Variants in XK observed in about 807,000 individuals in gnomAD.
The protein encoded by XK is X-linked Kx blood group antigen, Kell and VPS13A binding protein.
XK carries 2 observed loss-of-function variants against 14.0 expected under a neutral mutation model. The ratio of observed to expected loss-of-function variants is 0.14; its 90% CI spans 0.06 to 0.45. XK has a LOEUF of 0.45. Among genes scored for constraint, XK ranks in the 20% least tolerant of loss-of-function variants. XK has a pLI of 0.98. For synonymous variants in XK, 149 were observed against 147.5 expected, an observed-to-expected ratio of 1.01 and a Z score of -0.08; for missense variants, 235 against 341.5, an observed-to-expected ratio of 0.69 and a Z score of 2.46.
chrX:37,704,026 G>T (rs1454217249), intron 2 of XK, among the ~76,000 whole-genome samples: 1 of 111,957 alleles, frequency 8.9e-6, no homozygotes, highest in Non-Finnish European at 1.9e-5. Context: ...CTCAGTTAAG[G>T]TGTTCTGGAA....
intron 2 of XK, among the ~76,000 whole-genome samples, chrX:37,706,639 T>C (rs1319532559): frequency 9.1e-6 from 1 of 109,671 alleles, no homozygotes; most frequent in African/African-American, 3.3e-5. Flanking sequence ...TTAATTTTAT[T>C]TTATTTTATT....
At chrX:37,696,600 A>C (rs1927311197) in intron 2 of XK, among the ~76,000 whole-genome samples, 1 of 112,732 alleles carries the variant, frequency 8.9e-6, no homozygotes, top group Admixed American at 9.4e-5. Flanking sequence ...TTATGAATGG[A>C]GCATGGTCTA....
At position 37,731,537 on chromosome X, in the gene XK, C is replaced by A. The variant is rs1288082169; in HGVS notation, c.*3075C>A. Reference sequence around the variant, plus strand: ...AATGCTTTGAAAATGTTTTTAAGTGCTATGCATATTTATAGAGTTATTATA... The same window carrying A: ...AATGCTTTGAAAATGTTTTTAAGTGATATGCATATTTATAGAGTTATTATA... On this transcript the variant is annotated 3_prime_UTR_variant, in exon 3 of 3. Coordinates refer to ENST00000378616, the MANE Select transcript of XK (RefSeq NM_021083.4). The A allele has an allele frequency of 8.9e-6, 1 of 112,203 alleles. No homozygotes were observed. The highest frequency in any genetic ancestry group is 1.9e-5 in the Non-Finnish European group (1 of 53,185). 9.2% of individuals were successfully genotyped at this position (112,203 alleles called of 1,213,427 possible).
Position 37,687,226 on chromosome X carries a change from C to CACAT in XK, c.245+1020_245+1021insACAT, listed in dbSNP as rs1491476026. Among the ~76,000 whole-genome samples the CACAT allele has an allele frequency of 6.1e-3, 653 of 106,446 alleles. 6 individuals are homozygous for CACAT. Among genetic ancestry groups the CACAT allele is most frequent in the African/African-American group, 0.021 (615 of 28,807 alleles). The allele number at this position is 106,446 out of a possible 115,157, so 92.4% of individuals were successfully genotyped here. ...ACACACACACACACACACACACACA[C>CACAT]GCACACACACACATTGAGGAGCAAG... On this transcript the variant is annotated intron_variant, in intron 1 of 2. Coordinates refer to ENST00000378616, the MANE Select transcript of XK (RefSeq NM_021083.4).
chrX:37,699,392 C>T (rs1556443203), intron 2 of XK, among the ~76,000 whole-genome samples: 1 of 112,242 alleles, frequency 8.9e-6, no homozygotes. Context: ...TTCTATTTAA[C>T]TCATGAGAGA....
intron 1 of XK, among the ~76,000 whole-genome samples, chrX:37,688,025 T>A (rs371755228): frequency 1.1e-5 from 1 of 94,691 alleles, no homozygotes; most frequent in African/African-American, 3.9e-5. Context: ...AGGGCACTTA[T>A]CATTTCTTTC....
At chrX:37,711,764 C>T (rs1419952369) in intron 2 of XK, among the ~76,000 whole-genome samples, 1 of 111,312 alleles carries the variant, frequency 9.0e-6, no homozygotes, top group Non-Finnish European at 1.9e-5. Flanking sequence ...TAATTTGAAT[C>T]ACAGTTGTCT....
rs1218305361 is a variant in XK, at chrX:37,718,309, T to A, written c.509-9327T>A. 1.7e-4 allele frequency among the ~76,000 whole-genome samples: 19 copies of A among 111,591 alleles called. No homozygotes were observed. The Admixed American group carries it at 1.8e-3, about 11-fold the overall frequency. On this transcript the variant is annotated intron_variant, in intron 2 of 2. Transcript: ENST00000378616. ...ACTTCTCACACTACAGATTATTTTT[T>A]CCTGGGTTTTAAAATTTTATGTAAA...
At position 37,728,666 on chromosome X, in the gene XK, C is replaced by G. The variant is rs782656946; in HGVS notation, c.*204C>G. The G allele has an allele frequency of 2.1e-4, 96 of 448,619 alleles. No homozygotes were observed. Among genetic ancestry groups the G allele is most frequent in the Middle Eastern group, 1.2e-3 (2 of 1,651 alleles). 37.0% of individuals were successfully genotyped at this position (448,619 alleles called of 1,213,427 possible). A position where few individuals can be genotyped will look rare whatever the true frequency, so the allele number is the denominator to read the frequency against. On this transcript the variant is annotated 3_prime_UTR_variant, in exon 3 of 3. Coordinates refer to ENST00000378616, the MANE Select transcript of XK (RefSeq NM_021083.4). ...AACCTCTGAGTGTTGAAGGGGCAACCCAAGGCATCACAGTTCACAGGTAAC... is the reference window on the plus strand; with the variant it reads ...AACCTCTGAGTGTTGAAGGGGCAACGCAAGGCATCACAGTTCACAGGTAAC...
intron 2 of XK, among the ~76,000 whole-genome samples, chrX:37,706,612 T>TTA (rs1556445205): frequency 9.1e-6 from 1 of 109,964 alleles, no homozygotes; most frequent in African/African-American, 3.3e-5. Flanking sequence ...TCTTTTTTTT[T>TTA]AAAATTAATT....
intron 2 of XK, among the ~76,000 whole-genome samples, chrX:37,722,600 C>G (rs1308334168): frequency 8.9e-6 from 1 of 112,552 alleles, no homozygotes; most frequent in East Asian, 2.8e-4. Context: ...CCACTGCACT[C>G]CATATCCCCT....
chrX:37,686,529 G>A (rs1182483853), intron 1 of XK, among the ~76,000 whole-genome samples: 1 of 112,285 alleles, frequency 8.9e-6, no homozygotes, highest in Non-Finnish European at 1.9e-5. Flanking sequence ...CTGGGGTCAA[G>A]TAGGCTCTGA....
At chrX:37,699,075 T>C (rs782366550) in intron 2 of XK, among the ~76,000 whole-genome samples, 1 of 112,515 alleles carries the variant, frequency 8.9e-6, no homozygotes, top group Non-Finnish European at 1.9e-5. Context: ...CAAAATGTAT[T>C]TGAAGAGAGT....
intron 2 of XK, among the ~76,000 whole-genome samples, chrX:37,705,416 G>T (rs367907084): frequency 9.3e-6 from 1 of 107,986 alleles, no homozygotes; most frequent in African/African-American, 3.4e-5. Flanking sequence ...CGCGCCACTG[G>T]ACTCCAGCCT....
chrX:37,704,186 C>A (rs1395526630), intron 2 of XK, among the ~76,000 whole-genome samples: 1 of 111,404 alleles, frequency 9.0e-6, no homozygotes, highest in Non-Finnish European at 1.9e-5. Context: ...AAGACAAAAT[C>A]TCCCTCCTGT....
At chrX:37,707,092 T>C (rs1342361603) in intron 2 of XK, among the ~76,000 whole-genome samples, 1 of 112,801 alleles carries the variant, frequency 8.9e-6, no homozygotes, top group Non-Finnish European at 1.9e-5. Context: ...TTCCCCCTTT[T>C]CTATTCCACA....
rs180937360 is a variant in XK, at chrX:37,729,835, C to A, written c.*1373C>A. ...GAATAGGGATCCACTTCTCTGTTAACCTACAAAACGTATTTATCTGGCCAT... is the reference window on the plus strand; with the variant it reads ...GAATAGGGATCCACTTCTCTGTTAAACTACAAAACGTATTTATCTGGCCAT... On this transcript the variant is annotated 3_prime_UTR_variant, in exon 3 of 3. Transcript: ENST00000378616. The A allele has an allele frequency of 1.9e-4, 21 of 111,584 alleles. No individual in the cohort carries two copies. In the East Asian group the frequency reaches 5.1e-3, roughly 27 times the overall value. 9.2% of individuals were successfully genotyped at this position (111,584 alleles called of 1,213,427 possible). A position where few individuals can be genotyped will look rare whatever the true frequency, so the allele number is the denominator to read the frequency against.
In XK at chrX:37,732,122, C is replaced by T. The variant is rs1425534431; in HGVS notation, c.*3660C>T. The T allele has an allele frequency of 4.5e-5, 5 of 111,852 alleles. No homozygotes were observed. Among genetic ancestry groups the T allele is most frequent in the Admixed American group, 9.5e-5 (1 of 10,514 alleles). The allele number at this position is 111,852 out of a possible 1,213,427, so 9.2% of individuals were successfully genotyped here. On this transcript the variant is annotated 3_prime_UTR_variant, in exon 3 of 3. Transcript: ENST00000378616. The stretch of plus-strand genomic sequence containing the variant: ...ATATAATAAATTAATTTTTCAATTT[C>T]TCCTTGTATTTCATTCTTTATACAA...
chrX:37,693,892 G>C (rs782729229), intron 1 of XK, among the ~76,000 whole-genome samples: 1 of 112,308 alleles, frequency 8.9e-6, no homozygotes, highest in Admixed American at 9.3e-5. Flanking sequence ...TATTATATCT[G>C]CTTTATAGTG....
Sources: allele counts gnomAD v4.1 joint callset (sites outside exome capture counted in the v4.1 genomes callset), GRCh38; gene constraint gnomAD v4.1.1; transcripts MANE v1.5; gene names NCBI Gene and HGNC (gene_info 2026-07-23, HGNC 2026-07-21).